PSMF1: variants seen among roughly 807,000 people sequenced by gnomAD.
PSMF1 encodes proteasome inhibitor PI31 subunit.
PSMF1 carries 30 observed loss-of-function variants against 29.3 expected under a neutral mutation model. That is an observed-to-expected ratio of 1.02 (90% CI 0.77 to 1.39). The LOEUF (loss-of-function observed/expected upper bound fraction) is 1.39. Ranked by LOEUF, PSMF1 falls within the 40% of genes most tolerant of loss-of-function variation. The pLI, the probability that PSMF1 is intolerant of heterozygous loss-of-function variation, is 0.00. For missense variants in PSMF1, 344 were observed against 357.5 expected, an observed-to-expected ratio of 0.96 and a Z score of 0.31; for synonymous variants, 134 against 139.7, an observed-to-expected ratio of 0.96 and a Z score of 0.29.
At position 1,167,862 on chromosome 20, in the gene PSMF1, G is replaced by A. The variant is rs527354528; in HGVS notation, c.*2782G>A. On this transcript the variant is annotated 3_prime_UTR_variant, in exon 7 of 7. Coordinates refer to ENST00000335877, the MANE Select transcript of PSMF1 (RefSeq NM_006814.5). ...TTCATTTGGGTATATACCAAGGAGTGGAATTGCTGGTTCACATGGTAGCTC... is the reference window on the plus strand; with the variant it reads ...TTCATTTGGGTATATACCAAGGAGTAGAATTGCTGGTTCACATGGTAGCTC... 6.6e-6 allele frequency: 1 copy of A among 152,262 alleles called. No homozygotes were observed. Among genetic ancestry groups the A allele is most frequent in the South Asian group, 2.1e-4 (1 of 4,820 alleles). 9.4% of individuals were successfully genotyped at this position (152,262 alleles called of 1,614,324 possible).
At position 1,148,756 on chromosome 20, in the gene PSMF1, G is replaced by GT. The variant is rs1156834514; in HGVS notation, c.551+13459dup. On this transcript the variant is annotated intron_variant, in intron 4 of 6. Transcript: ENST00000335877. Reference sequence around the variant, plus strand: ...AGCTATGAACATCCCTGTGTATTAGGTTTTTTTTTCTTTTACTTCCTTGAG... The same window carrying GT: ...AGCTATGAACATCCCTGTGTATTAGGTTTTTTTTTTCTTTTACTTCCTTGAG... Among the ~76,000 whole-genome samples the GT allele has an allele frequency of 8.5e-3, 1,284 of 151,144 alleles. 13 individuals are homozygous for GT. Among genetic ancestry groups the GT allele is most frequent in the African/African-American group, 0.028 (1,155 of 41,208 alleles).
intron 4 of PSMF1, among the ~76,000 whole-genome samples, chr20:1,148,089 G>A (rs2086478738): frequency 6.6e-6 from 1 of 152,180 alleles, no homozygotes; most frequent in South Asian, 2.1e-4. Context: ...AACTAAAGTT[G>A]GAATTGTCTG....
intron 2 of PSMF1, among the ~76,000 whole-genome samples, chr20:1,126,193 C>T (rs1555758015): frequency 6.6e-6 from 1 of 152,154 alleles, no homozygotes; most frequent in Non-Finnish European, 1.5e-5. Context: ...ATTTTCCTGC[C>T]TGACACTCAT....
intron 4 of PSMF1, among the ~76,000 whole-genome samples, chr20:1,142,083 G>A (rs1405527713): frequency 6.6e-6 from 1 of 151,994 alleles, no homozygotes; most frequent in Non-Finnish European, 1.5e-5. Context: ...TTAGCCAGGT[G>A]TGGTGGCGCA....
chr20:1,124,983 G>A (rs1488763307), intron 1 of PSMF1, among the ~76,000 whole-genome samples: 1 of 152,206 alleles, frequency 6.6e-6, no homozygotes, highest in Non-Finnish European at 1.5e-5. Context: ...TAAGCTGGTG[G>A]TAGAGACATT....
chr20:1,113,445 A>AACGCAC (rs2085984653), intron 1 of PSMF1: 1 of 114,470 alleles, frequency 8.7e-6, no homozygotes, highest in Non-Finnish European at 1.7e-5. Context: ...GATCAGGGGC[A>AACGCAC]ACACACACAC....
rs1555765323 is a variant in PSMF1 at position 1,159,068 on chromosome 20, A to AG, written c.552-4062_552-4061insG. ...GAGACTCCGTCTCACAAAAAAAAAAAAAAGAAGAAGTAAATGGGTTCTAAG... is the reference window on the plus strand; with the variant it reads ...GAGACTCCGTCTCACAAAAAAAAAAAGAAAGAAGAAGTAAATGGGTTCTAAG... On this transcript the variant is annotated intron_variant, in intron 4 of 6. Transcript: ENST00000335877. 6.0e-5 allele frequency among the ~76,000 whole-genome samples: 6 copies of AG among 99,566 alleles called. 1 individual carries two copies. The highest frequency in any genetic ancestry group is 1.0e-4 in the Non-Finnish European group (5 of 48,122). 65.3% of individuals were successfully genotyped at this position (99,566 alleles called of 152,430 possible).
intron 1 of PSMF1, among the ~76,000 whole-genome samples, chr20:1,121,150 T>C (rs949387423): frequency 1.3e-5 from 2 of 151,514 alleles, no homozygotes; most frequent in African/African-American, 4.9e-5. Context: ...TTTAAAAAGG[T>C]CCTTGACCAA....
intron 1 of PSMF1, among the ~76,000 whole-genome samples, chr20:1,124,192 T>A (rs1396615809): frequency 6.6e-6 from 1 of 152,336 alleles, no homozygotes; most frequent in East Asian, 1.9e-4. Context: ...CTTTTATGGA[T>A]CTTGTTTAAG....
intron 4 of PSMF1, chr20:1,161,532 G>T (rs2086667025): frequency 5.2e-6 from 3 of 573,720 alleles, no homozygotes; most frequent in Middle Eastern, 4.2e-4. Context: ...CACTGCCCTG[G>T]TGCCAGCACA....
intron 3 of PSMF1, 54 bp from the exon 4 acceptor site, chr20:1,135,067 T>G: frequency 6.3e-7 from 1 of 1,591,156 alleles, no homozygotes; most frequent in Non-Finnish European, 8.6e-7. Context: ...AGAATACCAC[T>G]TCCAGGGTTC....
At chr20:1,159,780 C>T (rs1316415334) in intron 4 of PSMF1, among the ~76,000 whole-genome samples, 1 of 152,146 alleles carries the variant, frequency 6.6e-6, no homozygotes, top group Non-Finnish European at 1.5e-5. Flanking sequence ...AGGAAAAATT[C>T]CTTCCCTAGG....
chr20:1,117,880 G>T (rs1276395841), upstream of PSMF1: 1 of 152,210 alleles, frequency 6.6e-6, no homozygotes, highest in Non-Finnish European at 1.5e-5. Flanking sequence ...CATAAAGGGG[G>T]TAGGCAAATA....
In PSMF1 at chr20:1,160,980, C is replaced by T. The variant is rs188020987; in HGVS notation, c.552-2150C>T. On this transcript the variant is annotated intron_variant, in intron 4 of 6. Coordinates refer to ENST00000335877, the MANE Select transcript of PSMF1 (RefSeq NM_006814.5). ...AGACCTTCAATACCCTGGACATGTACGTGGCAGTCCAGGCCATACTTCTAT... is the reference window on the plus strand; with the variant it reads ...AGACCTTCAATACCCTGGACATGTATGTGGCAGTCCAGGCCATACTTCTAT... 162 of 407,100 alleles carry T rather than the reference C, an allele frequency of 4.0e-4. 3 individuals carry two copies. The East Asian group carries it at 8.5e-3, about 21-fold the overall frequency. The allele number at this position is 407,100 out of a possible 1,614,324, so 25.2% of individuals were successfully genotyped here. A position where few individuals can be genotyped will look rare whatever the true frequency, so the allele number is the denominator to read the frequency against.
intron 3 of PSMF1, among the ~76,000 whole-genome samples, chr20:1,128,762 G>A (rs2086192709): frequency 1.3e-5 from 2 of 152,206 alleles, no homozygotes; most frequent in South Asian, 4.2e-4. Flanking sequence ...GTGGAGTCTA[G>A]TTCTGTCACC....
intron 4 of PSMF1, chr20:1,160,713 A>G (rs917086972): frequency 1.2e-5 from 6 of 483,668 alleles, no homozygotes; most frequent in Non-Finnish European, 2.1e-5. Context: ...CCAGGGCATG[A>G]TGGTGGGGAT....
chr20:1,134,303 G>A (rs936974599), intron 3 of PSMF1, among the ~76,000 whole-genome samples: 1 of 151,952 alleles, frequency 6.6e-6, no homozygotes, highest in Non-Finnish European at 1.5e-5. Context: ...TTAATTCAGT[G>A]CTATATATTT....
chr20:1,156,609 A>G (rs2086597620), intron 4 of PSMF1, among the ~76,000 whole-genome samples: 1 of 152,258 alleles, frequency 6.6e-6, no homozygotes, highest in African/African-American at 2.4e-5. Context: ...CAGCATTCTT[A>G]AAGTATGGAG....
intron 1 of PSMF1, among the ~76,000 whole-genome samples, chr20:1,120,180 G>T (rs1040487212): frequency 6.6e-6 from 1 of 151,400 alleles, no homozygotes; most frequent in Non-Finnish European, 1.5e-5. Flanking sequence ...CAGAACACAA[G>T]AACCGTCAGG....
Sources: allele counts gnomAD v4.1 joint callset (sites outside exome capture counted in the v4.1 genomes callset), GRCh38; gene constraint gnomAD v4.1.1; transcripts MANE v1.5; gene names NCBI Gene and HGNC (gene_info 2026-07-23, HGNC 2026-07-21).